PTCD3: variants seen among roughly 807,000 people sequenced by gnomAD.
The protein encoded by PTCD3 is pentatricopeptide repeat domain 3.
In PTCD3, 89 loss-of-function variants were observed where a neutral mutation model predicts 101.9. The ratio of observed to expected loss-of-function variants is 0.87; its 90% CI spans 0.74 to 1.04. The LOEUF (loss-of-function observed/expected upper bound fraction) is 1.04, where lower values mean the gene tolerates loss of function less well. Among genes scored for constraint, PTCD3 ranks in the 50% least tolerant of loss-of-function variants. The pLI, the probability that PTCD3 is intolerant of heterozygous loss-of-function variation, is 0.00. For synonymous variants in PTCD3, 296 were observed against 278.5 expected, an observed-to-expected ratio of 1.06 and a Z score of -0.63; for missense variants, 870 against 828.2, an observed-to-expected ratio of 1.05 and a Z score of -0.62.
intron 1 of PTCD3, chr2:86,107,323 T>C (rs1252766084): frequency 2.4e-6 from 1 of 417,842 alleles, no homozygotes; most frequent in Non-Finnish European, 4.9e-6. Context: ...ATAGTGTGAC[T>C]TGAAAGAGTT....
chr2:86,107,169 G>A (rs1673972703), intron 1 of PTCD3: 1 of 471,078 alleles, frequency 2.1e-6, no homozygotes, highest in South Asian at 1.5e-5. Context: ...AAACCTTTGT[G>A]CTGCCATTCA....
intron 3 of PTCD3, 132 bp downstream of exon 3, chr2:86,108,668 G>A (rs1243249701): frequency 3.5e-6 from 3 of 854,232 alleles, no homozygotes; most frequent in African/African-American, 3.5e-5. Flanking sequence ...GCTGAGCGGG[G>A]AGAAGCTAGG....
intron 1 of PTCD3, 137 bp downstream of exon 1, chr2:86,106,488 A>G: frequency 1.4e-6 from 1 of 731,014 alleles, no homozygotes; most frequent in Non-Finnish European, 2.3e-6. Flanking sequence ...CCTTAAGACC[A>G]GGTACGCGGA....
chr2:86,130,560 G>A, intron 14 of PTCD3, 88 bp from the exon 15 acceptor site: 1 of 1,520,414 alleles, frequency 6.6e-7, no homozygotes, highest in Non-Finnish European at 8.8e-7. Context: ...GGTGGAGGAA[G>A]GAGAAATGTG....
chr2:86,132,622 GTT>G (rs11333311), intron 17 of PTCD3, 198 bp downstream of exon 17: 28,604 of 217,024 alleles, frequency 0.13, 87 homozygotes, highest in Middle Eastern at 0.18. Context: ...TCCTTTAAGG[GTT>G]TTTTTTTTTT....
At chr2:86,132,626 T>G (rs867629971) in intron 17 of PTCD3, 8,731 of 319,242 alleles carry the variant, frequency 0.027, 583 homozygotes, top group African/African-American at 0.17. Flanking sequence ...TTAAGGGTTT[T>G]TTTTTTTTTT....
At position 86,138,467 on chromosome 2, in the gene PTCD3, T is replaced by C. The variant is rs1353810855; in HGVS notation, c.*908T>C. ...GCACGTACCTGGCTCCCAGATTTAC[T>C]TAGGTACCCCACGAGTTGTCCACAT... On this transcript the variant is annotated 3_prime_UTR_variant, in exon 24 of 24. Coordinates refer to ENST00000254630, the MANE Select transcript of PTCD3 (RefSeq NM_017952.6). 2 of 152,244 alleles carry C rather than the reference T, an allele frequency of 1.3e-5. No homozygotes were observed. The highest frequency in any genetic ancestry group is 4.8e-5 in the African/African-American group (2 of 41,458). 9.4% of individuals were successfully genotyped at this position (152,244 alleles called of 1,614,324 possible).
chr2:86,121,732 G>C (rs1674286419), intron 8 of PTCD3, 138 bp downstream of exon 8: 5 of 517,732 alleles, frequency 9.7e-6, no homozygotes, highest in Admixed American at 7.2e-5. Flanking sequence ...CGATAGCCTT[G>C]ATAAAAAGTG....
chr2:86,108,933 C>A, intron 3 of PTCD3: 1 of 168,906 alleles, frequency 5.9e-6, no homozygotes, highest in African/African-American at 2.4e-5. Flanking sequence ...GTGTGGACAG[C>A]AAAATTTAGC....
intron 14 of PTCD3, among the ~76,000 whole-genome samples, chr2:86,128,792 T>C (rs986533567): frequency 6.6e-6 from 1 of 152,154 alleles, no homozygotes; most frequent in African/African-American, 2.4e-5. Flanking sequence ...ATTTACCAGC[T>C]ATGTCAAAGC....
At position 86,125,549 on chromosome 2, in the gene PTCD3, C is replaced by T. The variant is rs748967523; in HGVS notation, c.865+34C>T. 6 of 1,559,992 alleles carry T rather than the reference C, an allele frequency of 3.8e-6. No homozygotes were observed. In the Admixed American group the frequency reaches 8.3e-5, roughly 22 times the overall value. The stretch of plus-strand genomic sequence containing the variant: ...GAGAACTCCCCTCTGTCCCTTTCTC[C>T]ATTTCCTTCTTTTAATTGTCTGTGT... On this transcript the variant is annotated intron_variant, in intron 11 of 23. Transcript: ENST00000254630.
rs1336313009 is a variant in PTCD3, at chr2:86,132,351, C to G, written c.1300C>G (p.Gln434Glu). ...SSLRDLELAYQVHGLLKTGDN... is the reference protein window; with the variant it reads ...SSLRDLELAYEVHGLLKTGDN... ...TCTCAGAGATCTAGAACTTGCCTAC[C>G]AAGTACATGGCCTTTTAAAAACCGG... is the stretch of plus-strand genomic sequence containing the variant. The change falls in exon 17 of 24, where the codon CAA (glutamine) becomes GAA (glutamate). Residue 434 changes from glutamine (Q) to glutamate (E), a missense_variant. Transcript: ENST00000254630. The G allele has an allele frequency of 2.5e-6, 4 of 1,608,010 alleles. No homozygotes were observed. Among genetic ancestry groups the G allele is most frequent in the Non-Finnish European group, 3.4e-6 (4 of 1,175,128 alleles).
chr2:86,128,835 G>A (rs1171817027), intron 14 of PTCD3, among the ~76,000 whole-genome samples: 1 of 152,190 alleles, frequency 6.6e-6, no homozygotes, highest in Non-Finnish European at 1.5e-5. Flanking sequence ...TAGCAGCAGG[G>A]TGTGGTAGTT....
At chr2:86,126,250 GAAAC>G (rs1674388028) in intron 12 of PTCD3, among the ~76,000 whole-genome samples, 1 of 137,368 alleles carries the variant, frequency 7.3e-6, no homozygotes, top group Non-Finnish European at 1.6e-5. Flanking sequence ...AAAAGAAAAA[GAAAC>G]AGAAGTACAT....
chr2:86,130,225 G>A (rs900577588), intron 14 of PTCD3, among the ~76,000 whole-genome samples: 1 of 152,140 alleles, frequency 6.6e-6, no homozygotes, highest in Non-Finnish European at 1.5e-5. Flanking sequence ...GCTTGAACCC[G>A]GGAGGCGGAG....
intron 4 of PTCD3, among the ~76,000 whole-genome samples, chr2:86,113,986 CAT>C (rs1191833869): frequency 6.6e-6 from 1 of 151,980 alleles, no homozygotes; most frequent in African/African-American, 2.4e-5. Flanking sequence ...GAAATGTAAA[CAT>C]AGAAATGGAC....
intron 7 of PTCD3, chr2:86,119,316 G>T: frequency 5.0e-6 from 2 of 399,324 alleles, no homozygotes; most frequent in Non-Finnish European, 4.4e-6. Context: ...TGTTTTTAAT[G>T]TTAGGTAGGT....
At position 86,123,342 on chromosome 2, in the gene PTCD3, C is replaced by T. The variant is rs115335813; in HGVS notation, c.655-359C>T. On this transcript the variant is annotated intron_variant, in intron 8 of 23. Coordinates refer to ENST00000254630, the MANE Select transcript of PTCD3 (RefSeq NM_017952.6). ...TATATGTTGTTTATCTTGCTTTCAC[C>T]CTAATTATGACAGTTTATCTGTATG... 7.2e-4 allele frequency among the ~76,000 whole-genome samples: 109 copies of T among 151,942 alleles called. 1 individual carries two copies. The highest frequency in any genetic ancestry group is 2.4e-3 in the African/African-American group (99 of 41,432).
At position 86,139,658 on chromosome 2, in the gene PTCD3, T is replaced by G. The variant is rs780746739; in HGVS notation, c.*2099T>G. 6.6e-6 allele frequency: 1 copy of G among 152,034 alleles called. No homozygotes were observed. The highest frequency in any genetic ancestry group is 1.9e-4 in the East Asian group (1 of 5,182). The allele number at this position is 152,034 out of a possible 1,614,324, so 9.4% of individuals were successfully genotyped here. A position where few individuals can be genotyped will look rare whatever the true frequency, so the allele number is the denominator to read the frequency against. The stretch of plus-strand genomic sequence containing the variant: ...CCCTACAAAAGATTTTAATAATTAG[T>G]TGGGCGTAGTGGTGCATGCCTGTAA... On this transcript the variant is annotated 3_prime_UTR_variant, in exon 24 of 24. Coordinates refer to ENST00000254630, the MANE Select transcript of PTCD3 (RefSeq NM_017952.6).
Sources: allele counts gnomAD v4.1 joint callset (sites outside exome capture counted in the v4.1 genomes callset), GRCh38; gene constraint gnomAD v4.1.1; transcripts MANE v1.5; gene names NCBI Gene and HGNC (gene_info 2026-07-23, HGNC 2026-07-21).